The following USP37 variants were observed in gnomAD, a reference collection of about 807,000 sequenced individuals.
USP37 encodes ubiquitin carboxyl-terminal hydrolase 37.
USP37 carries 27 observed loss-of-function variants against 124.0 expected under a neutral mutation model. The observed-to-expected ratio is 0.22, with a 90% CI of 0.16 to 0.30. USP37 has a LOEUF of 0.30. Among genes scored for constraint, USP37 ranks in the 10% least tolerant of loss-of-function variants. The pLI is 1.00. For missense variants in USP37, 889 were observed against 1,140.4 expected (o/e 0.78, Z 3.17); for synonymous variants, 365 against 388.0 (o/e 0.94, Z 0.70).
chr2:218,497,880 G>C, intron 12 of USP37, 23 bp from the exon 13 acceptor site: 1 of 1,608,362 alleles, frequency 6.2e-7, no homozygotes, highest in Non-Finnish European at 8.5e-7. Flanking sequence ...AAAACACAAA[G>C]TTAGCACGTT....
chr2:218,452,815 C>T lies in USP37; in HGVS notation c.*2115G>A, dbSNP rs888733716. On this transcript the variant is annotated 3_prime_UTR_variant, in exon 26 of 26. Coordinates refer to ENST00000258399, the MANE Select transcript of USP37 (RefSeq NM_020935.3). ...CTTTCCCAATAATTTTTAACAGTGC[C>T]TCTCAAATGCAAAGACACGTAAAAG... 1.3e-5 allele frequency: 2 copies of T among 152,108 alleles called. No individual in the cohort carries two copies. The highest frequency in any genetic ancestry group is 2.4e-5 in the African/African-American group (1 of 41,400). 9.4% of individuals were successfully genotyped at this position (152,108 alleles called of 1,614,324 possible).
intron 1 of USP37, among the ~76,000 whole-genome samples, chr2:218,565,981 G>A (rs916355123): frequency 6.6e-5 from 10 of 152,082 alleles, no homozygotes; most frequent in Admixed American, 3.9e-4. Context: ...TTTAGGGGGC[G>A]GAGGTTGCAG....
chr2:218,489,873 G>A (rs1691828326), intron 14 of USP37, among the ~76,000 whole-genome samples: 1 of 152,154 alleles, frequency 6.6e-6, no homozygotes, highest in African/African-American at 2.4e-5. Context: ...TTTTCTTTTA[G>A]TTGGCCCCTC....
intron 6 of USP37, among the ~76,000 whole-genome samples, chr2:218,548,078 T>C (rs1692463005): frequency 6.6e-6 from 1 of 152,206 alleles, no homozygotes; most frequent in South Asian, 2.1e-4. Context: ...AAGTTAAACT[T>C]ATTTTCAAAT....
intron 4 of USP37, among the ~76,000 whole-genome samples, chr2:218,555,573 T>C (rs1316740049): frequency 6.6e-6 from 1 of 152,198 alleles, no homozygotes; most frequent in Non-Finnish European, 1.5e-5. Context: ...AAAAATTAAA[T>C]ATACAAAGCA....
chr2:218,514,514 C>T (rs1574910343), intron 10 of USP37: 1 of 140,768 alleles, frequency 7.1e-6, no homozygotes, highest in East Asian at 1.9e-4. Context: ...GACATTGTGA[C>T]CTCCTCAGTG....
intron 2 of USP37, among the ~76,000 whole-genome samples, chr2:218,561,561 G>A (rs1410731719): frequency 6.6e-6 from 1 of 151,800 alleles, no homozygotes. Flanking sequence ...GGGAGGCTGA[G>A]GCAAGAGAAT....
chr2:218,542,062 C>A (rs920694486), intron 8 of USP37, among the ~76,000 whole-genome samples: 25 of 152,198 alleles, frequency 1.6e-4, no homozygotes, highest in African/African-American at 6.0e-4. Context: ...CAAGCTAGAA[C>A]AACCCAAGAG....
At position 218,544,430 on chromosome 2, in the gene USP37, T is replaced by TAGAGAGAGAGAG. The variant is rs56690495; in HGVS notation, c.680+1779_680+1790dup. On this transcript the variant is annotated intron_variant, in intron 8 of 25. Transcript: ENST00000258399. ...AAATATATATATATATATATATATA[T>TAGAGAGAGAGAG]AGAGAGAGAGAGAGAGAGAGAGAGA... 9.2e-3 allele frequency among the ~76,000 whole-genome samples: 468 copies of TAGAGAGAGAGAG among 50,696 alleles called. 12 individuals carry two copies. The highest frequency in any genetic ancestry group is 0.038 in the African/African-American group (282 of 7,442). 33.3% of individuals were successfully genotyped at this position (50,696 alleles called of 152,430 possible).
chr2:218,501,327 A>C (rs1263293820), intron 11 of USP37, among the ~76,000 whole-genome samples: 1 of 152,128 alleles, frequency 6.6e-6, no homozygotes, highest in African/African-American at 2.4e-5. Flanking sequence ...GGTGTGAGCC[A>C]CATGTCTGGT....
intron 19 of USP37, 185 bp from the exon 20 acceptor site, chr2:218,475,070 TAAG>T: frequency 2.2e-6 from 1 of 458,242 alleles, no homozygotes; most frequent in South Asian, 6.3e-5. Context: ...AATAAATACA[TAAG>T]AATACATTAT....
chr2:218,469,269 A>G lies in USP37; in HGVS notation c.2300-3093T>C, dbSNP rs577884207. Among the ~76,000 whole-genome samples the G allele has an allele frequency of 3.6e-3, 549 of 152,206 alleles. 4 individuals carry two copies. Among genetic ancestry groups the G allele is most frequent in the Non-Finnish European group, 4.0e-3 (271 of 68,014 alleles). On this transcript the variant is annotated intron_variant, in intron 20 of 25. Transcript: ENST00000258399. ...CCTTTCTTCTATTATTGGAGAAACAACCCTTGCCATGGCCTAGAAGGGGCA... is the reference window on the plus strand; with the variant it reads ...CCTTTCTTCTATTATTGGAGAAACAGCCCTTGCCATGGCCTAGAAGGGGCA...
At chr2:218,466,711 A>G (rs2106411675) in intron 20 of USP37, among the ~76,000 whole-genome samples, 1 of 152,258 alleles carries the variant, frequency 6.6e-6, no homozygotes, top group South Asian at 2.1e-4. Flanking sequence ...AAAATGATCA[A>G]GCTACTATTG....
chr2:218,496,535 T>G (rs1689088915), intron 13 of USP37, among the ~76,000 whole-genome samples: 1 of 152,126 alleles, frequency 6.6e-6, no homozygotes, highest in Non-Finnish European at 1.5e-5. Flanking sequence ...ACTCCTCACT[T>G]TGTTAAAAGA....
chr2:218,543,716 G>A (rs1392364955), intron 8 of USP37, among the ~76,000 whole-genome samples: 2 of 151,700 alleles, frequency 1.3e-5, no homozygotes, highest in East Asian at 1.9e-4. Context: ...CTTGGCAGGA[G>A]AATGGTGTGA....
rs1182616729 is a variant in USP37, at chr2:218,495,765, A to G, written c.1467T>C (p.Cys489=). The G allele has an allele frequency of 1.4e-5, 23 of 1,608,180 alleles. No individual in the cohort carries two copies. The highest frequency in any genetic ancestry group is 8.1e-5 in the African/African-American group (6 of 74,486). Reference sequence around the variant, plus strand: ...ATTTCTTAGACACTACTTACGCTTTACAAATGATGGAGTGCTGAACCTCAA... The same window carrying G: ...ATTTCTTAGACACTACTTACGCTTTGCAAATGATGGAGTGCTGAACCTCAA... ...LEFEVQHSII[C]KACGEIIPKR... Residue 489 remains cysteine, a synonymous_variant, in exon 14 of 26, where the codon TGT becomes TGC. Coordinates refer to ENST00000258399, the MANE Select transcript of USP37 (RefSeq NM_020935.3).
At chr2:218,467,870 A>G (rs973136849) in intron 20 of USP37, among the ~76,000 whole-genome samples, 3 of 151,746 alleles carry the variant, frequency 2.0e-5, no homozygotes, top group African/African-American at 7.3e-5. Flanking sequence ...TGTTAGAGCA[A>G]TAACATTTCA....
chr2:218,530,023 A>C lies in USP37; in HGVS notation c.796T>G (p.Ser266Ala), dbSNP rs1368780282. 2 of 1,611,866 alleles carry C rather than the reference A, an allele frequency of 1.2e-6. No individual in the cohort carries two copies. The highest frequency in any genetic ancestry group is 2.2e-5 in the East Asian group (1 of 44,860). The change falls in exon 10 of 26, where the codon TCA (serine) becomes GCA (alanine). Residue 266 changes from serine (S) to alanine (A), a missense_variant. Ser to Ala is a moderately conservative substitution (Grantham distance 99). Around this residue, in one of 3 missense-constraint regions of USP37, gnomAD observed 374 missense variants for 386.0 expected, o/e 0.97. Coordinates refer to ENST00000258399, the MANE Select transcript of USP37 (RefSeq NM_020935.3). ...GCTCTGCTACCATAAAAGGATGATG[A>C]CTGTAAAGGTAAAAGCCCTATAAAA... ...NRTSGLLPLQ[S>A]SSFYGSRAGS...
chr2:218,486,681 ACC>A (rs1691582753), intron 15 of USP37, among the ~76,000 whole-genome samples: 3 of 75,662 alleles, frequency 4.0e-5, no homozygotes, highest in Non-Finnish European at 7.7e-5. Context: ...CCTTGGCCTC[ACC>A]TTGGGATTAC....
Sources: gnomAD v4.1 joint callset for allele counts (sites outside exome capture counted in the v4.1 genomes callset) on GRCh38, gnomAD v4.1.1 for gene constraint, gnomAD v4.1.1 regional missense constraint, MANE v1.5 for transcripts, NCBI Gene and HGNC (gene_info 2026-07-23, HGNC 2026-07-21) for gene names.